The following PM20D2 variants were observed in gnomAD, a reference collection of about 807,000 sequenced individuals.
PM20D2 encodes the protein xaa-Arg dipeptidase.
Under a neutral mutation model 42.9 loss-of-function variants are expected in PM20D2, and 33 were observed. That is an observed-to-expected ratio of 0.77 (90% CI 0.58 to 1.03). PM20D2 has a LOEUF of 1.03. Ranked by LOEUF, PM20D2 falls within the 50% of genes least tolerant of loss-of-function variation. The probability of loss-of-function intolerance (pLI) is 0.00; values close to 1 mark genes in which losing one functional copy is unlikely to be tolerated. For synonymous variants in PM20D2, 250 were observed against 228.2 expected (o/e 1.10, Z -0.86); for missense variants, 548 against 557.0 (o/e 0.98, Z 0.16).
chr6:89,153,046 G>A lies in PM20D2; in HGVS notation c.618G>A (p.Val206=). 1 of 1,586,704 alleles carries A rather than the reference G, an allele frequency of 6.3e-7. No homozygotes were observed. Among genetic ancestry groups the A allele is most frequent in the Non-Finnish European group, 8.6e-7 (1 of 1,167,048 alleles). ...AYLPDMAEHD[V]TVKYYGKASH... ...CAAATGATTTTTTATTTCCTAGTGTGACTGTGAAATACTATGGAAAAGCAT... is the reference window on the plus strand; with the variant it reads ...CAAATGATTTTTTATTTCCTAGTGTAACTGTGAAATACTATGGAAAAGCAT... The change falls in exon 3 of 7, where the codon GTG becomes GTA. Residue 206 remains valine, a synonymous_variant. Coordinates refer to ENST00000275072, the MANE Select transcript of PM20D2 (RefSeq NM_001010853.3).
At chr6:89,155,745 A>G (rs995788159) in intron 4 of PM20D2, among the ~76,000 whole-genome samples, 5 of 151,874 alleles carry the variant, frequency 3.3e-5, no homozygotes, top group African/African-American at 9.7e-5. Flanking sequence ...GTCTTGCTCT[A>G]TTGCCCAGGC....
the PM20D2 span, chr6:89,097,055 T>G: frequency 2.0e-5 from 3 of 152,202 alleles, no homozygotes; most frequent in African/African-American, 7.2e-5. Context: ...TGTCCAAATA[T>G]TACCAGCATA....
the PM20D2 span, among the ~76,000 whole-genome samples, chr6:89,132,379 G>A: frequency 6.9e-6 from 1 of 145,216 alleles, no homozygotes; most frequent in Non-Finnish European, 1.5e-5. Context: ...GATCCAAGGA[G>A]GCAGTTCCTG....
chr6:89,126,752 A>G, the PM20D2 span, among the ~76,000 whole-genome samples: 1 of 151,250 alleles, frequency 6.6e-6, no homozygotes, highest in African/African-American at 2.4e-5. Flanking sequence ...ACCATTTGGC[A>G]CCCCTTATGG....
At chr6:89,130,432 T>C in the PM20D2 span, among the ~76,000 whole-genome samples, 1 of 152,068 alleles carries the variant, frequency 6.6e-6, no homozygotes, top group African/African-American at 2.4e-5. Flanking sequence ...ACATACATAC[T>C]GTGAAATAAT....
chr6:89,119,290 GA>G, the PM20D2 span, among the ~76,000 whole-genome samples: 1 of 152,216 alleles, frequency 6.6e-6, no homozygotes, highest in Non-Finnish European at 1.5e-5. Context: ...ACAGGGCTAT[GA>G]AAAGAACTAT....
At chr6:89,138,898 A>C in the PM20D2 span, among the ~76,000 whole-genome samples, 6 of 151,974 alleles carry the variant, frequency 3.9e-5, no homozygotes, top group African/African-American at 1.5e-4. Flanking sequence ...CAAATAAATA[A>C]ATATCTCTAT....
rs754631470 is a variant in PM20D2 at position 89,153,124 on chromosome 6, G to C, written c.696G>C (p.Val232=). The change falls in exon 3 of 7, where the codon GTG becomes GTC. Residue 232 remains valine (V), a synonymous_variant. Coordinates refer to ENST00000275072, the MANE Select transcript of PM20D2 (RefSeq NM_001010853.3). The part of the protein sequence containing the change: ...WEGLNALDAA[V]LAYNNLSVFR... The stretch of plus-strand genomic sequence containing the variant: ...GATTAAATGCATTAGATGCTGCTGT[G>C]CTGGCCTATAACAATCTGTCTGTGT... 6.2e-7 allele frequency: 1 copy of C among 1,612,522 alleles called. No homozygotes were observed. The highest frequency in any genetic ancestry group is 8.5e-7 in the Non-Finnish European group (1 of 1,179,242).
the PM20D2 span, chr6:89,095,916 TTAAA>T: frequency 3.3e-5 from 5 of 152,192 alleles, no homozygotes; most frequent in Admixed American, 6.5e-5. Flanking sequence ...TGGGAAGTAC[TTAAA>T]TAAATATAGT....
At chr6:89,158,507 T>C in intron 5 of PM20D2, 47 bp downstream of exon 5, 1 of 1,574,604 alleles carries the variant, frequency 6.4e-7, no homozygotes, top group Non-Finnish European at 8.6e-7. Context: ...GGAAGAGAAA[T>C]ACCATCTTTG....
At chr6:89,158,546 G>C in intron 5 of PM20D2, 86 bp downstream of exon 5, 1 of 1,448,786 alleles carries the variant, frequency 6.9e-7, no homozygotes, top group Non-Finnish European at 9.4e-7. Context: ...AATGGTTTGG[G>C]AGGTCGGGAG....
chr6:89,154,972 A>C, intron 4 of PM20D2, 70 bp downstream of exon 4: 2 of 1,257,576 alleles, frequency 1.6e-6, no homozygotes, highest in Non-Finnish European at 2.1e-6. Flanking sequence ...TGTTAGATTG[A>C]AATCTAACTT....
At chr6:89,138,508 A>G in the PM20D2 span, among the ~76,000 whole-genome samples, 3 of 152,260 alleles carry the variant, frequency 2.0e-5, no homozygotes, top group South Asian at 6.2e-4. Flanking sequence ...AAAAAACAAA[A>G]GATTTTAAAA....
chr6:89,159,035 G>A (rs1014897536), intron 5 of PM20D2, among the ~76,000 whole-genome samples: 2 of 152,162 alleles, frequency 1.3e-5, no homozygotes, highest in African/African-American at 4.8e-5. Flanking sequence ...TTAAGATAAG[G>A]AGTTCAAGAG....
Position 89,146,108 on chromosome 6 carries a change from G to A in PM20D2, c.-37G>A. 7.2e-7 allele frequency: 1 copy of A among 1,391,630 alleles called. No homozygotes were observed. Among genetic ancestry groups the A allele is most frequent in the Non-Finnish European group, 9.3e-7 (1 of 1,076,940 alleles). The allele number at this position is 1,391,630 out of a possible 1,614,324, so 86.2% of individuals were successfully genotyped here. ...GGTCGCTACCTGCGGCCGAGCCAGG[G>A]AGCGAGAGGGCGCAGAGGGCAGCGG... is the stretch of plus-strand genomic sequence containing the variant. On this transcript the variant is annotated 5_prime_UTR_variant, in exon 1 of 7. Transcript: ENST00000275072.
the PM20D2 span, among the ~76,000 whole-genome samples, chr6:89,116,527 C>T: frequency 0.098 from 14,932 of 152,124 alleles, 921 homozygotes; most frequent in East Asian, 0.18. Flanking sequence ...GTAATCTCAG[C>T]GCTTTGGGAG....
chr6:89,095,742 ATTATCTG>A, the PM20D2 span, among the ~76,000 whole-genome samples: 3 of 152,196 alleles, frequency 2.0e-5, no homozygotes, highest in Admixed American at 2.0e-4. Flanking sequence ...AAATTCCCCT[ATTATCTG>A]TTAACACCGA....
At chr6:89,117,585 G>C in the PM20D2 span, among the ~76,000 whole-genome samples, 2 of 152,158 alleles carry the variant, frequency 1.3e-5, no homozygotes, top group African/African-American at 4.8e-5. Context: ...ACGCGGGCCC[G>C]GGACACGATG....
In PM20D2 at chr6:89,157,107, T is replaced by G. The variant is rs539608968; in HGVS notation, c.913-1218T>G. Among the ~76,000 whole-genome samples the G allele has an allele frequency of 2.4e-4, 37 of 152,126 alleles. 1 individual carries two copies. The highest frequency in any genetic ancestry group is 8.7e-4 in the African/African-American group (36 of 41,544). On this transcript the variant is annotated intron_variant, in intron 4 of 6. Transcript: ENST00000275072. ...AATTTAATTTATTTATTTTTAAAGT[T>G]TTTTGTAGAGATAGGCTCTCCCTGT...
Sources: allele counts gnomAD v4.1 joint callset (sites outside exome capture counted in the v4.1 genomes callset), GRCh38; gene constraint gnomAD v4.1.1; transcripts MANE v1.5; gene names NCBI Gene and HGNC (gene_info 2026-07-23, HGNC 2026-07-21).